PPCDC: variants seen among roughly 807,000 people sequenced by gnomAD.
PPCDC encodes the protein phosphopantothenoylcysteine decarboxylase.
Under a neutral mutation model 20.7 loss-of-function variants are expected in PPCDC, and 20 were observed. That is an observed-to-expected ratio of 0.97 (90% confidence interval 0.68 to 1.41). The LOEUF (loss-of-function observed/expected upper bound fraction) is 1.41. PPCDC is among the 40% of genes most tolerant of loss of function. PPCDC has a pLI of 0.00. For missense variants in PPCDC, 246 were observed against 263.8 expected (o/e 0.93, Z 0.47); for synonymous variants, 88 against 100.3 (o/e 0.88, Z 0.73).
intron 2 of PPCDC, among the ~76,000 whole-genome samples, chr15:75,031,321 A>G (rs1481235149): frequency 6.6e-6 from 1 of 152,174 alleles, no homozygotes; most frequent in Non-Finnish European, 1.5e-5. Context: ...TTGTCAGCTC[A>G]GGCAGTTTCT....
chr15:75,048,774 G>A lies in PPCDC; in HGVS notation c.529+53G>A. 5.1e-6 allele frequency: 8 copies of A among 1,583,542 alleles called. No homozygotes were observed. The South Asian group carries it at 9.2e-5, about 18-fold the overall frequency. ...AGGGCTGTAGAAGGGGCTCAGCTTT[G>A]GGGTCATATCTCAGTTCAGTTCCTG... On this transcript the variant is annotated intron_variant, in intron 5 of 5. Transcript: ENST00000342932.
chr15:75,028,186 G>C (rs978787357), intron 1 of PPCDC, 61 bp from the exon 2 acceptor site: 12 of 1,243,672 alleles, frequency 9.6e-6, no homozygotes, highest in Non-Finnish European at 1.3e-5. Flanking sequence ...CTAATACGTG[G>C]TGCTCCATAC....
In PPCDC at chr15:75,048,604, G is replaced by T. The variant is rs1201312359; in HGVS notation, c.412G>T (p.Ala138Ser). Residue 138 changes from alanine to serine, a missense_variant, in exon 5 of 6, where the codon GCC becomes TCC. Ala to Ser is a moderately conservative substitution (Grantham distance 99). Around this residue, in one of 2 missense-constraint regions of PPCDC, gnomAD observed 225 missense variants for 222.6 expected, o/e 1.01. Transcript: ENST00000342932. The stretch of plus-strand genomic sequence containing the variant: ...CAGCAAGCCCCTGCTCTTCTGCCCG[G>T]CCATGAACACCGCCATGTGGGAGCA... ...DRSKPLLFCP[A>S]MNTAMWEHPI... 1.2e-6 allele frequency: 2 copies of T among 1,614,086 alleles called. No individual in the cohort carries two copies. The highest frequency in any genetic ancestry group is 2.7e-5 in the African/African-American group (2 of 74,948).
intron 1 of PPCDC, among the ~76,000 whole-genome samples, chr15:75,026,447 T>C (rs2065960785): frequency 6.6e-6 from 1 of 152,230 alleles, no homozygotes; most frequent in African/African-American, 2.4e-5. Flanking sequence ...ACATTGAGAT[T>C]ACTGGCAAAT....
intron 3 of PPCDC, among the ~76,000 whole-genome samples, chr15:75,043,914 G>C (rs982923014): frequency 6.6e-6 from 1 of 152,154 alleles, no homozygotes; most frequent in African/African-American, 2.4e-5. Context: ...TCTCCCCTGC[G>C]GATGGGTGGG....
chr15:75,037,017 C>T (rs1163576783), intron 2 of PPCDC, among the ~76,000 whole-genome samples: 3 of 152,090 alleles, frequency 2.0e-5, no homozygotes. Flanking sequence ...CAAGGTTCTC[C>T]GCTTTGCAAA....
intron 2 of PPCDC, among the ~76,000 whole-genome samples, chr15:75,032,331 G>A (rs2066031120): frequency 6.6e-6 from 1 of 152,160 alleles, no homozygotes; most frequent in Non-Finnish European, 1.5e-5. Flanking sequence ...GTGTCTGTCA[G>A]GACATCCAGG....
chr15:75,033,606 A>T (rs191725015), intron 2 of PPCDC, among the ~76,000 whole-genome samples: 3,429 of 148,728 alleles, frequency 0.023, 65 homozygotes, highest in Non-Finnish European at 0.038. Flanking sequence ...TTTTTTTTTT[A>T]AAGTGCTCAC....
At chr15:75,042,873 A>G (rs941840160) in intron 2 of PPCDC, among the ~76,000 whole-genome samples, 6 of 152,236 alleles carry the variant, frequency 3.9e-5, no homozygotes, top group Non-Finnish European at 1.5e-5. Flanking sequence ...TGGGTTCTCC[A>G]GGAGCCTGTC....
rs2066273260 is a variant in PPCDC, at chr15:75,048,691, G to A, written c.499G>A (p.Val167Met). ...CTTTGGCTATGTCGAGATCCCCTGTGTGGCCAAGAAGCTGGTGTGCGGAGA... is the reference window on the plus strand; with the variant it reads ...CTTTGGCTATGTCGAGATCCCCTGTATGGCCAAGAAGCTGGTGTGCGGAGA... ...KAFGYVEIPCVAKKLVCGDEG... is the reference protein window; with the variant it reads ...KAFGYVEIPCMAKKLVCGDEG... Residue 167 changes from valine (V) to methionine (M), a missense_variant, in exon 5 of 6, where the codon GTG (valine) becomes ATG (methionine). By Grantham distance (21) the Val-to-Met change is conservative. Coordinates refer to ENST00000342932, the MANE Select transcript of PPCDC (RefSeq NM_021823.5). The A allele has an allele frequency of 6.2e-7, 1 of 1,614,120 alleles. No individual in the cohort carries two copies.
intron 1 of PPCDC, among the ~76,000 whole-genome samples, chr15:75,024,673 T>C (rs1285096043): frequency 6.6e-6 from 1 of 150,902 alleles, no homozygotes; most frequent in East Asian, 1.9e-4. Flanking sequence ...TCTTTTTTCT[T>C]TTCTTTTTTT....
chr15:75,044,790 G>A, intron 4 of PPCDC: 1 of 396,540 alleles, frequency 2.5e-6, no homozygotes, highest in Non-Finnish European at 4.7e-6. Context: ...CCCACAGGAA[G>A]ACCCTTCTTC....
In PPCDC at chr15:75,049,068, G is replaced by A. The variant is rs2066278822; in HGVS notation, c.530-82G>A. 4 of 1,313,504 alleles carry A rather than the reference G, an allele frequency of 3.0e-6. No homozygotes were observed. The East Asian group carries it at 9.2e-5, about 30-fold the overall frequency. The allele number at this position is 1,313,504 out of a possible 1,614,324, so 81.4% of individuals were successfully genotyped here. On this transcript the variant is annotated intron_variant, in intron 5 of 5. Coordinates refer to ENST00000342932, the MANE Select transcript of PPCDC (RefSeq NM_021823.5). ...CCTCTCAGGCCTTGGGCTCTGGGTG[G>A]AGCACTTGGAGCAATGGGCAGGGGT...
intron 1 of PPCDC, among the ~76,000 whole-genome samples, chr15:75,027,102 A>G (rs2065968161): frequency 6.6e-6 from 1 of 152,170 alleles, no homozygotes; most frequent in African/African-American, 2.4e-5. Flanking sequence ...AGGGAGAGGC[A>G]AGGAAACTGA....
chr15:75,025,199 C>A (rs1258620383), intron 1 of PPCDC, among the ~76,000 whole-genome samples: 1 of 152,178 alleles, frequency 6.6e-6, no homozygotes, highest in Non-Finnish European at 1.5e-5. Flanking sequence ...CAGGTGTAAG[C>A]TGGAGCAGAA....
intron 1 of PPCDC, chr15:75,028,027 A>C (rs2065977288): frequency 2.7e-6 from 1 of 369,932 alleles, no homozygotes; most frequent in African/African-American, 2.1e-5. Context: ...GCAGCCACGC[A>C]CCTGGTACAG....
At chr15:75,043,222 A>G in intron 2 of PPCDC, 2 of 485,696 alleles carry the variant, frequency 4.1e-6, no homozygotes, top group Non-Finnish European at 7.3e-6. Context: ...CCCCTCAGAT[A>G]GGGAAGTGAA....
chr15:75,033,578 T>C (rs1247981889), intron 2 of PPCDC, among the ~76,000 whole-genome samples: 1 of 152,154 alleles, frequency 6.6e-6, no homozygotes, highest in Non-Finnish European at 1.5e-5. Flanking sequence ...TGGGGAACAT[T>C]CTTGATAAGT....
In PPCDC at chr15:75,040,721, T is replaced by C. The variant is rs2066142884; in HGVS notation, c.136-2720T>C. ...TTCACCCAGGCTGGAGTGCAGTAAC[T>C]TGATCTCTGCTCACTGCAGCCTCTG... On this transcript the variant is annotated intron_variant, in intron 2 of 5. Transcript: ENST00000342932. Among the ~76,000 whole-genome samples the C allele has an allele frequency of 2.0e-5, 3 of 152,310 alleles. No homozygotes were observed. The South Asian group carries it at 6.2e-4, about 32-fold the overall frequency.
Sources: gnomAD v4.1 joint callset for allele counts (sites outside exome capture counted in the v4.1 genomes callset) on GRCh38, gnomAD v4.1.1 for gene constraint, gnomAD v4.1.1 regional missense constraint, MANE v1.5 for transcripts, NCBI Gene and HGNC (gene_info 2026-07-23, HGNC 2026-07-21) for gene names.